NCAM2: variants seen among roughly 807,000 people sequenced by gnomAD.
The protein encoded by NCAM2 is neural cell adhesion molecule 2.
Under a neutral mutation model 98.1 loss-of-function variants are expected in NCAM2, and 30 were observed. That is an observed-to-expected ratio of 0.31 (90% confidence interval 0.23 to 0.41). The LOEUF is 0.41. Among genes scored for constraint, NCAM2 ranks in the 10% least tolerant of loss-of-function variants. The pLI, the probability that NCAM2 is intolerant of heterozygous loss-of-function variation, is 1.00. For missense variants in NCAM2, 867 were observed against 1,005.8 expected, an observed-to-expected ratio of 0.86 and a Z score of 1.87; for synonymous variants, 368 against 342.4, an observed-to-expected ratio of 1.07 and a Z score of -0.83.
At chr21:21,100,988 T>C (rs1353410438) in intron 1 of NCAM2, among the ~76,000 whole-genome samples, 1 of 150,422 alleles carries the variant, frequency 6.6e-6, no homozygotes, top group Non-Finnish European at 1.5e-5. Flanking sequence ...ATGTTCCCAA[T>C]TGTATTCCCC....
At chr21:21,391,430 ACT>A (rs1026401343) in intron 9 of NCAM2, among the ~76,000 whole-genome samples, 1 of 151,994 alleles carries the variant, frequency 6.6e-6, no homozygotes, top group South Asian at 2.1e-4. Context: ...AAGAGAAAAA[ACT>A]CTTTGAAAGG....
chr21:21,302,483 G>A (rs2073750221), intron 5 of NCAM2, among the ~76,000 whole-genome samples: 1 of 151,908 alleles, frequency 6.6e-6, no homozygotes, highest in Non-Finnish European at 1.5e-5. Context: ...TTCTGTACCA[G>A]TACCACATTG....
chr21:21,397,010 A>G (rs1033493347), intron 9 of NCAM2, among the ~76,000 whole-genome samples: 2 of 152,182 alleles, frequency 1.3e-5, no homozygotes, highest in South Asian at 4.1e-4. Flanking sequence ...AGAATGAGGT[A>G]TGCAGACAAG....
At chr21:21,092,137 C>T (rs1196568933) in intron 1 of NCAM2, among the ~76,000 whole-genome samples, 1 of 152,034 alleles carries the variant, frequency 6.6e-6, no homozygotes, top group Non-Finnish European at 1.5e-5. Flanking sequence ...TGCCTGTGAT[C>T]ACAAGGGTCT....
At chr21:21,375,221 C>CA (rs201564357) in intron 9 of NCAM2, among the ~76,000 whole-genome samples, 4,889 of 134,510 alleles carry the variant, frequency 0.036, 204 homozygotes, top group African/African-American at 0.1. Flanking sequence ...AAAACAAAAA[C>CA]AAAAAAAAAA....
At chr21:21,036,394 G>T (rs554311727) in intron 1 of NCAM2, among the ~76,000 whole-genome samples, 2 of 152,178 alleles carry the variant, frequency 1.3e-5, no homozygotes, top group East Asian at 3.9e-4. Flanking sequence ...CCAAAAATGA[G>T]CAAAAATATT....
intron 1 of NCAM2, among the ~76,000 whole-genome samples, chr21:21,165,545 T>G (rs77345057): frequency 3.9e-4 from 60 of 152,280 alleles, no homozygotes; most frequent in African/African-American, 1.4e-3. Context: ...GGGAGAATAT[T>G]CTAAGGAATA....
chr21:21,505,056 C>A lies in NCAM2; in HGVS notation c.2078-3795C>A, dbSNP rs974677227. On this transcript the variant is annotated intron_variant, in intron 15 of 17. Coordinates refer to ENST00000400546, the MANE Select transcript of NCAM2 (RefSeq NM_004540.5). ...TTAACACAAACCTATTTGAAGTTCA[C>A]TTCTATCCTCTGCAATGACAAAAAG... Among the ~76,000 whole-genome samples, 6 of 151,958 alleles carry A rather than the reference C, an allele frequency of 3.9e-5. 1 individual carries two copies. Among genetic ancestry groups the A allele is most frequent in the Non-Finnish European group, 5.9e-5 (4 of 67,946 alleles).
At chr21:21,383,098 G>T (rs908329468) in intron 9 of NCAM2, among the ~76,000 whole-genome samples, 2 of 152,050 alleles carry the variant, frequency 1.3e-5, no homozygotes, top group African/African-American at 4.8e-5. Context: ...TCACTGTACT[G>T]GTTGTCAAAA....
intron 1 of NCAM2, among the ~76,000 whole-genome samples, chr21:21,240,115 T>C (rs377263890): frequency 1.3e-5 from 2 of 152,258 alleles, no homozygotes; most frequent in South Asian, 4.1e-4. Context: ...ACATATATTT[T>C]TAGTGTTGTA....
intron 12 of NCAM2, among the ~76,000 whole-genome samples, chr21:21,449,839 T>C (rs1980757525): frequency 1.3e-5 from 2 of 152,068 alleles, no homozygotes; most frequent in Admixed American, 1.3e-4. Context: ...TGTACAGATA[T>C]GATTTCAGAG....
chr21:21,473,467 G>A (rs1415062856), intron 14 of NCAM2, among the ~76,000 whole-genome samples: 2 of 149,388 alleles, frequency 1.3e-5, no homozygotes, highest in African/African-American at 4.9e-5. Flanking sequence ...AATAATTTCT[G>A]GGCCTTCTGT....
At chr21:21,236,369 ATAAAC>A (rs2070823631) in intron 1 of NCAM2, among the ~76,000 whole-genome samples, 1 of 152,104 alleles carries the variant, frequency 6.6e-6, no homozygotes. Flanking sequence ...TTTTAAGTTA[ATAAAC>A]TAAAAGAAAG....
intron 11 of NCAM2, among the ~76,000 whole-genome samples, chr21:21,426,637 C>T (rs1482207196): frequency 6.6e-6 from 1 of 152,168 alleles, no homozygotes; most frequent in Non-Finnish European, 1.5e-5. Flanking sequence ...ATCACAGCCA[C>T]ACCACTCCTG....
chr21:21,170,975 C>CTTCT (rs951863376), intron 1 of NCAM2, among the ~76,000 whole-genome samples: 1 of 152,044 alleles, frequency 6.6e-6, no homozygotes, highest in African/African-American at 2.4e-5. Flanking sequence ...GAGTTGTGAA[C>CTTCT]TTCTGCCTTT....
At chr21:21,135,308 T>C (rs895707672) in intron 1 of NCAM2, among the ~76,000 whole-genome samples, 1 of 151,558 alleles carries the variant, frequency 6.6e-6, no homozygotes, top group Non-Finnish European at 1.5e-5. Flanking sequence ...CCCAAAATGC[T>C]GGGACTACAA....
At chr21:21,489,714 C>T (rs950674552) in intron 15 of NCAM2, among the ~76,000 whole-genome samples, 1 of 152,068 alleles carries the variant, frequency 6.6e-6, no homozygotes, top group Non-Finnish European at 1.5e-5. Flanking sequence ...GGTGACGAGG[C>T]ATTTCCAAAT....
At chr21:21,321,672 G>A (rs1342839854) in intron 5 of NCAM2, among the ~76,000 whole-genome samples, 1 of 152,072 alleles carries the variant, frequency 6.6e-6, no homozygotes, top group Non-Finnish European at 1.5e-5. Context: ...ACCGAATAAG[G>A]AGTCAACATT....
chr21:21,329,336 G>A (rs1010103203), intron 6 of NCAM2, among the ~76,000 whole-genome samples: 7 of 151,956 alleles, frequency 4.6e-5, no homozygotes, highest in Non-Finnish European at 5.9e-5. Context: ...TGTTACAGTC[G>A]CTTCCAACAT....
Sources: allele counts gnomAD v4.1 joint callset (sites outside exome capture counted in the v4.1 genomes callset), GRCh38; gene constraint gnomAD v4.1.1; transcripts MANE v1.5; gene names NCBI Gene and HGNC (gene_info 2026-07-23, HGNC 2026-07-21).